Variants in NXPE2 observed in about 807,000 individuals in gnomAD.
NXPE2 encodes the protein neurexophilin and PC-esterase domain family member 2.
A neutral mutation model predicts 34.4 loss-of-function variants in NXPE2; 34 were observed. The ratio of observed to expected loss-of-function variants is 0.99; its 90% CI spans 0.75 to 1.31. NXPE2 has a LOEUF of 1.31. Ranked by LOEUF, NXPE2 falls within the 40% of genes most tolerant of loss-of-function variation. The pLI, the probability that NXPE2 is intolerant of heterozygous loss-of-function variation, is 0.00. For synonymous variants in NXPE2, 235 were observed against 231.3 expected, an observed-to-expected ratio of 1.02 and a Z score of -0.15; for missense variants, 649 against 672.5, an observed-to-expected ratio of 0.97 and a Z score of 0.39.
the NXPE2 span, among the ~76,000 whole-genome samples, chr11:114,638,020 G>A: frequency 6.6e-6 from 1 of 151,698 alleles, no homozygotes; most frequent in Non-Finnish European, 1.5e-5. Flanking sequence ...TGCCTTGCTA[G>A]ATTGGGGAAG....
At chr11:114,629,331 TG>T in the NXPE2 span, among the ~76,000 whole-genome samples, 2 of 152,112 alleles carry the variant, frequency 1.3e-5, no homozygotes, top group Non-Finnish European at 2.9e-5. Flanking sequence ...CATGATCAAG[TG>T]GGCTTCATCC....
the NXPE2 span, among the ~76,000 whole-genome samples, chr11:114,476,870 AGGACGAGCTGGTTGT>A: frequency 6.6e-6 from 1 of 152,190 alleles, no homozygotes. Context: ...TATTGAAGGG[AGGACGAGCTGGTTGT>A]GGAAGAGGTA....
chr11:114,720,598 A>C, the NXPE2 span, among the ~76,000 whole-genome samples: 1 of 149,626 alleles, frequency 6.7e-6, no homozygotes, highest in Non-Finnish European at 1.5e-5. Flanking sequence ...GTGTGCTCTA[A>C]GTGTAAAGTG....
the NXPE2 span, among the ~76,000 whole-genome samples, chr11:114,561,804 C>A: frequency 1.3e-5 from 2 of 152,232 alleles, no homozygotes; most frequent in East Asian, 3.9e-4. Context: ...GCCCATTAGA[C>A]CTGAGATCTA....
the NXPE2 span, among the ~76,000 whole-genome samples, chr11:114,642,716 A>G: frequency 2.0e-5 from 3 of 152,180 alleles, no homozygotes; most frequent in African/African-American, 2.4e-5. Context: ...TAGTACTGCA[A>G]TATACATATG....
the NXPE2 span, chr11:114,513,259 G>C: frequency 5.8e-6 from 3 of 516,794 alleles, 1 homozygote; most frequent in South Asian, 4.9e-5. Context: ...TGGCTGTGCT[G>C]TGTGCAGCAC....
chr11:114,805,857 C>T, the NXPE2 span, among the ~76,000 whole-genome samples: 48 of 152,332 alleles, frequency 3.2e-4, no homozygotes, highest in Middle Eastern at 6.8e-3. Context: ...GTGGTTCTCC[C>T]AGCACGCAGC....
At chr11:114,739,340 C>CTT in the NXPE2 span, among the ~76,000 whole-genome samples, 226 of 23,654 alleles carry the variant, frequency 9.6e-3, 15 homozygotes, top group East Asian at 0.033. Context: ...TCCTTCCTTC[C>CTT]CCCCTTCCTC....
chr11:114,801,442 G>C, the NXPE2 span, among the ~76,000 whole-genome samples: 1 of 152,196 alleles, frequency 6.6e-6, no homozygotes, highest in African/African-American at 2.4e-5. Context: ...AGATGGACAG[G>C]GGACAGATCA....
chr11:114,660,931 C>T, the NXPE2 span, among the ~76,000 whole-genome samples: 1 of 152,086 alleles, frequency 6.6e-6, no homozygotes, highest in East Asian at 1.9e-4. Context: ...TTTTTTTAGG[C>T]CTGCCCCTTA....
chr11:114,674,090 A>AAAAC (rs72440964), upstream of NXPE2, among the ~76,000 whole-genome samples: 5,018 of 131,858 alleles, frequency 0.038, 101 homozygotes, highest in African/African-American at 0.055. Flanking sequence ...ACATTGTTTA[A>AAAAC]AAACAAACAA....
chr11:114,533,840 T>G, the NXPE2 span, among the ~76,000 whole-genome samples: 1 of 152,196 alleles, frequency 6.6e-6, no homozygotes, highest in Non-Finnish European at 1.5e-5. Context: ...GCCTGCCTCT[T>G]TAGGCTCCAC....
chr11:114,704,407 A>G (rs1201519161), intron 4 of NXPE2, among the ~76,000 whole-genome samples: 1 of 152,206 alleles, frequency 6.6e-6, no homozygotes, highest in Non-Finnish European at 1.5e-5. Context: ...GCACAGATTC[A>G]GAGTTAGGAC....
chr11:114,620,803 C>T, the NXPE2 span, among the ~76,000 whole-genome samples: 3 of 151,888 alleles, frequency 2.0e-5, no homozygotes, highest in Non-Finnish European at 4.4e-5. Context: ...AGTGTTGCCT[C>T]AGGGGAACCA....
chr11:114,786,355 A>ACCCCCCCCCCCC, the NXPE2 span, among the ~76,000 whole-genome samples: 34 of 127,326 alleles, frequency 2.7e-4, 1 homozygote, highest in Admixed American at 5.8e-4. Flanking sequence ...AGATCTTTCT[A>ACCCCCCCCCCCC]CCCCCGCCCC....
At chr11:114,764,122 G>A in the NXPE2 span, among the ~76,000 whole-genome samples, 1 of 152,006 alleles carries the variant, frequency 6.6e-6, no homozygotes, top group Non-Finnish European at 1.5e-5. Flanking sequence ...CAGGCTACTC[G>A]AACTCTTCCC....
chr11:114,679,142 C>T (rs1950901774), intron 1 of NXPE2, among the ~76,000 whole-genome samples: 1 of 151,678 alleles, frequency 6.6e-6, no homozygotes, highest in South Asian at 2.1e-4. Context: ...GAGGAGATAA[C>T]ATGGGGTGGC....
chr11:114,706,703 G>T lies in NXPE2; in HGVS notation c.1453G>T (p.Val485Leu). 1 of 1,552,214 alleles carries T rather than the reference G, an allele frequency of 6.4e-7. No individual in the cohort carries two copies. The highest frequency in any genetic ancestry group is 8.7e-7 in the Non-Finnish European group (1 of 1,147,078). ...RLFLRSPETKVILKTENTREI... is the reference protein window; with the variant it reads ...RLFLRSPETKLILKTENTREI... ...ATTCTTGCGAAGCCCGGAGACCAAG[G>T]TGATACTTAAAACTGAAAACACCAG... The change falls in exon 6 of 6, where the codon GTG becomes TTG. Residue 485 changes from valine (V) to leucine (L), a missense_variant. Coordinates refer to ENST00000389586, the MANE Select transcript of NXPE2 (RefSeq NM_182495.6).
the NXPE2 span, among the ~76,000 whole-genome samples, chr11:114,513,584 A>C: frequency 6.6e-6 from 1 of 152,216 alleles, no homozygotes; most frequent in Non-Finnish European, 1.5e-5. Flanking sequence ...CAATCTAAAA[A>C]TTGGCCATAA....
Sources: allele counts gnomAD v4.1 joint callset (sites outside exome capture counted in the v4.1 genomes callset), GRCh38; gene constraint gnomAD v4.1.1; transcripts MANE v1.5; gene names NCBI Gene and HGNC (gene_info 2026-07-23, HGNC 2026-07-21).